The following NXN variants were observed in gnomAD, a reference collection of about 807,000 sequenced individuals.
NXN encodes the protein nucleoredoxin 1.
Under a neutral mutation model 48.6 loss-of-function variants are expected in NXN, and 16 were observed. The ratio of observed to expected loss-of-function variants is 0.33; its 90% confidence interval spans 0.22 to 0.50. The LOEUF (loss-of-function observed/expected upper bound fraction) is 0.50. NXN is among the 20% of genes least tolerant of loss of function. NXN has a pLI of 0.98. For missense variants in NXN, 492 were observed against 605.5 expected, an observed-to-expected ratio of 0.81 and a Z score of 1.97; for synonymous variants, 281 against 269.6, an observed-to-expected ratio of 1.04 and a Z score of -0.41.
At chr17:856,838 A>T (rs2067991483) in intron 1 of NXN, among the ~76,000 whole-genome samples, 1 of 152,062 alleles carries the variant, frequency 6.6e-6, no homozygotes, top group African/African-American at 2.4e-5. Flanking sequence ...TTTCTCCAAG[A>T]CAGCTGAGGC....
intron 1 of NXN, among the ~76,000 whole-genome samples, chr17:877,658 C>T (rs927746248): frequency 1.4e-4 from 21 of 152,094 alleles, no homozygotes; most frequent in Non-Finnish European, 2.4e-4. Flanking sequence ...TAGAGGAAAT[C>T]GGGGAAGATG....
chr17:894,590 G>A (rs1317669923), intron 1 of NXN, among the ~76,000 whole-genome samples: 6 of 119,222 alleles, frequency 5.0e-5, no homozygotes, highest in Non-Finnish European at 1.1e-4. Context: ...CATCTCAAAC[G>A]CCCTGGAAGC....
chr17:883,248 G>A (rs2068305274), intron 1 of NXN, among the ~76,000 whole-genome samples: 1 of 152,152 alleles, frequency 6.6e-6, no homozygotes, highest in African/African-American at 2.4e-5. Context: ...AATCAGGCCA[G>A]TAAGGGAAAG....
chr17:917,051 G>C lies in NXN; in HGVS notation c.360+62268C>G, dbSNP rs1422074210. ...TTATCAGACATTCCCTGTGTGTCCT[G>C]TTCTGTTATACATGCTGAAGCTACA... On this transcript the variant is annotated intron_variant, in intron 1 of 7. Coordinates refer to ENST00000336868, the MANE Select transcript of NXN (RefSeq NM_022463.5). The surrounding 1 kb of genome is among the most constrained non-coding windows in gnomAD (Gnocchi z 4.5). Among the ~76,000 whole-genome samples the C allele has an allele frequency of 1.3e-5, 2 of 152,158 alleles. No individual in the cohort carries two copies. The highest frequency in any genetic ancestry group is 2.9e-5 in the Non-Finnish European group (2 of 68,034).
In NXN at chr17:853,720, TA is replaced by T. The variant is rs769879146; in HGVS notation, c.361-27643del. Among the ~76,000 whole-genome samples the T allele has an allele frequency of 6.8e-3, 564 of 83,124 alleles. 10 individuals carry two copies. The highest frequency in any genetic ancestry group is 0.023 in the African/African-American group (393 of 17,430). 54.5% of individuals were successfully genotyped at this position (83,124 alleles called of 152,430 possible). On this transcript the variant is annotated intron_variant, in intron 1 of 7. Transcript: ENST00000336868. ...TTATACACATATATATATATATATA[TA>T]TATTTTTTTTTTTTTTTCCAAGACG...
intron 2 of NXN, among the ~76,000 whole-genome samples, chr17:824,198 C>G (rs996679138): frequency 1.3e-5 from 2 of 152,118 alleles, no homozygotes; most frequent in African/African-American, 4.8e-5. Context: ...CGCCACCAGG[C>G]CCGGCTAATG....
chr17:947,589 C>A (rs557275591), intron 1 of NXN, among the ~76,000 whole-genome samples: 1 of 151,756 alleles, frequency 6.6e-6, no homozygotes, highest in Non-Finnish European at 1.5e-5. Context: ...AAAAATTAGC[C>A]GGGAGTGGTG....
intron 1 of NXN, among the ~76,000 whole-genome samples, chr17:851,275 A>G (rs956858147): frequency 6.6e-6 from 1 of 152,244 alleles, no homozygotes; most frequent in African/African-American, 2.4e-5. Flanking sequence ...GCTCCACCCA[A>G]AGTTCCCCGG....
rs1911181740 is a variant in NXN, at chr17:801,149, G to A, written c.1126-18C>T. On this transcript the variant is annotated intron_variant, in intron 7 of 7. Coordinates refer to ENST00000336868, the MANE Select transcript of NXN (RefSeq NM_022463.5). ...ATGTCATCCTGAAGCCGTCAGGAGG[G>A]AGAGAAAACCAAGAAGTTTTAAAGA... 1.3e-6 allele frequency: 2 copies of A among 1,503,242 alleles called. No homozygotes were observed. The highest frequency in any genetic ancestry group is 1.8e-6 in the Non-Finnish European group (2 of 1,123,242). The allele number at this position is 1,503,242 out of a possible 1,614,324, so 93.1% of individuals were successfully genotyped here. A position where few individuals can be genotyped will look rare whatever the true frequency, so the allele number is the denominator to read the frequency against.
intron 1 of NXN, among the ~76,000 whole-genome samples, chr17:894,761 G>C (rs1567852489): frequency 6.6e-6 from 1 of 152,230 alleles, no homozygotes; most frequent in African/African-American, 2.4e-5. Flanking sequence ...ACATGACGGA[G>C]GCGCCCCAAG....
At chr17:927,414 G>GC (rs1329178515) in intron 1 of NXN, among the ~76,000 whole-genome samples, 1 of 152,036 alleles carries the variant, frequency 6.6e-6, no homozygotes, top group African/African-American at 2.4e-5. Flanking sequence ...TTCCGGACCA[G>GC]CCTCGGCAAC....
intron 1 of NXN, among the ~76,000 whole-genome samples, chr17:892,093 A>G (rs58359987): frequency 1.6e-3 from 28 of 17,062 alleles, no homozygotes; most frequent in African/African-American, 5.2e-3. Flanking sequence ...GGGAACCTAA[A>G]CTAACCCCAC....
chr17:801,031 T>C lies in NXN; in HGVS notation c.1226A>G (p.Asp409Gly). Residue 409 changes from aspartate to glycine, a missense_variant, in exon 8 of 8, where the codon GAC becomes GGC. Asp to Gly is a moderately conservative substitution (Grantham distance 94, BLOSUM62 -1). Coordinates refer to ENST00000336868, the MANE Select transcript of NXN (RefSeq NM_022463.5). ...DMSARAKYVM[D>G]VEEITPAIVE... is the part of the protein sequence containing the mutation. ...GATGGCGGGGGTGATCTCCTCCACG[T>C]CCATCACGTACTTGGCCCGGGCTGA... The C allele has an allele frequency of 1.3e-6, 2 of 1,573,126 alleles. No homozygotes were observed. The highest frequency in any genetic ancestry group is 8.6e-7 in the Non-Finnish European group (1 of 1,158,288).
At chr17:864,142 T>C in intron 1 of NXN, 1 of 1,465,040 alleles carries the variant, frequency 6.8e-7, no homozygotes, top group Non-Finnish European at 9.0e-7. Context: ...AAGGGGCACG[T>C]TCACCGTTGC....
rs1168187961 is a variant in NXN, at chr17:820,934, A to C, written c.714-1389T>G. Among the ~76,000 whole-genome samples, 11 of 68,640 alleles carry C rather than the reference A, an allele frequency of 1.6e-4. 4 individuals are homozygous for C. The highest frequency in any genetic ancestry group is 2.4e-4 in the Non-Finnish European group (9 of 37,034). The allele number at this position is 68,640 out of a possible 152,430, so 45.0% of individuals were successfully genotyped here. ...GCGAGACTCCACCTAAAAAAAAAAAAAAAAACAAAAAAAAAAACTGACTGC... is the reference window on the plus strand; with the variant it reads ...GCGAGACTCCACCTAAAAAAAAAAACAAAAACAAAAAAAAAAACTGACTGC... On this transcript the variant is annotated intron_variant, in intron 4 of 7. Coordinates refer to ENST00000336868, the MANE Select transcript of NXN (RefSeq NM_022463.5).
Position 842,005 on chromosome 17 carries a change from G to A in NXN, c.361-15927C>T, listed in dbSNP as rs138827379. On this transcript the variant is annotated intron_variant, in intron 1 of 7. Transcript: ENST00000336868. The stretch of plus-strand genomic sequence containing the variant: ...GCAAAAATGAGCCGGGTGTGGTGGC[G>A]CATGTCTGTAACCCCAGCAACTCAG... 1.4e-3 allele frequency among the ~76,000 whole-genome samples: 206 copies of A among 152,156 alleles called. 2 individuals carry two copies. Among genetic ancestry groups the A allele is most frequent in the African/African-American group, 4.7e-3 (194 of 41,502 alleles).
At chr17:935,517 T>C (rs2068898636) in intron 1 of NXN, among the ~76,000 whole-genome samples, 1 of 152,112 alleles carries the variant, frequency 6.6e-6, no homozygotes, top group African/African-American at 2.4e-5. Context: ...ACCAAGACAC[T>C]TCAGGATCCA....
intron 1 of NXN, among the ~76,000 whole-genome samples, chr17:911,521 G>C (rs1276795047): frequency 6.6e-6 from 1 of 151,674 alleles, no homozygotes; most frequent in Non-Finnish European, 1.5e-5. Flanking sequence ...TGTAGAGATG[G>C]TGTTTTACCG....
chr17:804,168 G>A (rs911521101), intron 6 of NXN, among the ~76,000 whole-genome samples: 14 of 151,888 alleles, frequency 9.2e-5, no homozygotes, highest in Admixed American at 6.6e-4. Flanking sequence ...GTTTCTCTCA[G>A]CCACAGAATG....
Sources: allele counts gnomAD v4.1 joint callset (sites outside exome capture counted in the v4.1 genomes callset), GRCh38; gene constraint gnomAD v4.1.1; non-coding constraint Gnocchi (gnomAD v3.1); transcripts MANE v1.5; gene names NCBI Gene and HGNC (gene_info 2026-07-23, HGNC 2026-07-21).